The following HMOX2 variants were observed in gnomAD, a reference collection of about 807,000 sequenced individuals.
The protein encoded by HMOX2 is heme oxygenase (decycling) 2.
HMOX2 carries 30 observed loss-of-function variants against 33.7 expected under a neutral mutation model. The ratio of observed to expected loss-of-function variants is 0.89; its 90% CI spans 0.67 to 1.21. The LOEUF (loss-of-function observed/expected upper bound fraction) is 1.21. HMOX2 is among the 50% of genes most tolerant of loss of function. The probability of loss-of-function intolerance (pLI) is 0.00; values close to 1 mark genes in which losing one functional copy is unlikely to be tolerated. For synonymous variants in HMOX2, 155 were observed against 155.0 expected (o/e 1.00, Z 0.00); for missense variants, 403 against 399.1 (o/e 1.01, Z -0.08).
At chr16:4,499,638 G>A (rs977999397) in intron 1 of HMOX2, among the ~76,000 whole-genome samples, 5 of 152,130 alleles carry the variant, frequency 3.3e-5, no homozygotes, top group African/African-American at 9.7e-5. Flanking sequence ...TAATAGTATT[G>A]TATACTTCAA....
At chr16:4,487,898 G>A (rs544608643) in intron 1 of HMOX2, among the ~76,000 whole-genome samples, 1 of 150,456 alleles carries the variant, frequency 6.6e-6, no homozygotes, top group South Asian at 2.1e-4. Context: ...TTGCGGCGAG[G>A]GGAGATCACG....
rs773254390 is a variant in HMOX2, at chr16:4,508,212, T to G, written c.696+8T>G. On this transcript the variant is annotated splice_region_variant and intron_variant, in intron 4 of 5. Coordinates refer to ENST00000570646, the MANE Select transcript of HMOX2 (RefSeq NM_002134.4). ...TTTGAGTATAACATGCAGGTACTAT[T>G]GGGGGCTGCCAGCTGCTAGGGCTGA... The G allele has an allele frequency of 1.9e-6, 3 of 1,591,480 alleles. No homozygotes were observed. The highest frequency in any genetic ancestry group is 2.6e-6 in the Non-Finnish European group (3 of 1,168,328).
Position 4,509,741 on chromosome 16 carries a change from C to T in HMOX2, c.936C>T (p.Ala312=), listed in dbSNP as rs766345044. ...AGVALAAGLL[A]WYYM ...TGGCCCTAGCTGCTGGACTCTTGGC[C>T]TGGTACTACATGTGAAGCACCCATC... is the stretch of plus-strand genomic sequence containing the variant. Residue 312 remains alanine, a synonymous_variant, in exon 6 of 6, where the codon GCC becomes GCT. Transcript: ENST00000570646. 55 of 1,613,174 alleles carry T rather than the reference C, an allele frequency of 3.4e-5. No homozygotes were observed. The Admixed American group carries it at 7.2e-4, about 21-fold the overall frequency.
intron 1 of HMOX2, among the ~76,000 whole-genome samples, chr16:4,498,119 C>T (rs554664355): frequency 2.1e-5 from 3 of 139,558 alleles, no homozygotes; most frequent in South Asian, 2.3e-4. Flanking sequence ...CAGGCTGGAG[C>T]GCAGTGGCAC....
At chr16:4,480,005 C>G (rs1439952304) in intron 1 of HMOX2, among the ~76,000 whole-genome samples, 1 of 151,558 alleles carries the variant, frequency 6.6e-6, no homozygotes, top group Non-Finnish European at 1.5e-5. Context: ...TCCCAAAGTG[C>G]TGGGGTTATA....
At position 4,508,184 on chromosome 16, in the gene HMOX2, G is replaced by A. The variant is rs1307403235; in HGVS notation, c.676G>A (p.Ala226Thr). The A allele has an allele frequency of 6.2e-6, 10 of 1,610,554 alleles. No homozygotes were observed. The highest frequency in any genetic ancestry group is 8.5e-6 in the Non-Finnish European group (10 of 1,178,224). The change falls in exon 4 of 6, where the codon GCT becomes ACT. Residue 226 changes from alanine (A) to threonine (T), a missense_variant. By Grantham distance (58) the Ala-to-Thr change is moderately conservative (BLOSUM62 0). Transcript: ENST00000570646. ...KERIVEEANK[A>T]FEYNMQIFNE... ...GAGGATCGTGGAGGAGGCCAACAAG[G>A]CTTTTGAGTATAACATGCAGGTACT...
Position 4,505,602 on chromosome 16 carries a change from C to T in HMOX2, c.78C>T (p.Asn26=), listed in dbSNP as rs1323664037. 3 of 1,594,142 alleles carry T rather than the reference C, an allele frequency of 1.9e-6. No individual in the cohort carries two copies. Among genetic ancestry groups the T allele is most frequent in the Admixed American group, 1.7e-5 (1 of 57,654 alleles). The change falls in exon 2 of 6, where the codon AAC becomes AAT. Residue 26 remains asparagine, a synonymous_variant. Coordinates refer to ENST00000570646, the MANE Select transcript of HMOX2 (RefSeq NM_002134.4). ...ACTCTGGGGCCCTAGAAAAGGAGAA[C>T]CAAATGAGGTGAGCGATGGGGGCTG... ...KKNSGALEKE[N]QMRMADLSEL... is the part of the protein sequence containing the mutation.
At chr16:4,491,392 G>A (rs2058301835) in intron 1 of HMOX2, among the ~76,000 whole-genome samples, 1 of 152,124 alleles carries the variant, frequency 6.6e-6, no homozygotes, top group African/African-American at 2.4e-5. Context: ...GCCCACTCCT[G>A]TAATCCTGGC....
At chr16:4,502,226 C>G (rs2058577223) in intron 1 of HMOX2, among the ~76,000 whole-genome samples, 1 of 152,084 alleles carries the variant, frequency 6.6e-6, no homozygotes, top group South Asian at 2.1e-4. Context: ...TGCCTGGCTC[C>G]TTTTTGTATT....
At position 4,510,052 on chromosome 16, in the gene HMOX2, G is replaced by A. The variant is rs531160401; in HGVS notation, c.*296G>A. The A allele has an allele frequency of 6.8e-5, 30 of 438,960 alleles. No homozygotes were observed. Among genetic ancestry groups the A allele is most frequent in the Non-Finnish European group, 1.2e-4 (29 of 241,816 alleles). The allele number at this position is 438,960 out of a possible 1,614,324, so 27.2% of individuals were successfully genotyped here. A position where few individuals can be genotyped will look rare whatever the true frequency, so the allele number is the denominator to read the frequency against. On this transcript the variant is annotated 3_prime_UTR_variant, in exon 6 of 6. Transcript: ENST00000570646. Reference sequence around the variant, plus strand: ...CACTTCTGGGCCCTAGGCTGCTTCCGGTAGTCCCTGTTTTTGCAGTACATG... The same window carrying A: ...CACTTCTGGGCCCTAGGCTGCTTCCAGTAGTCCCTGTTTTTGCAGTACATG...
intron 1 of HMOX2, among the ~76,000 whole-genome samples, chr16:4,496,956 C>T (rs1216551626): frequency 1.3e-5 from 2 of 152,036 alleles, no homozygotes. Context: ...CTCGGCCTCC[C>T]AAAGTACAGA....
At chr16:4,478,634 G>A (rs919490995) in intron 1 of HMOX2, among the ~76,000 whole-genome samples, 9 of 151,832 alleles carry the variant, frequency 5.9e-5, no homozygotes, top group African/African-American at 1.7e-4. Context: ...GCATGGTGGT[G>A]TGTGCCTGTA....
chr16:4,505,284 C>T (rs895169186), intron 1 of HMOX2, among the ~76,000 whole-genome samples, 200 bp from the exon 2 acceptor site: 3 of 152,196 alleles, frequency 2.0e-5, no homozygotes, highest in African/African-American at 7.2e-5. Context: ...ATGCTATTAC[C>T]TAATACATTG....
chr16:4,489,448 C>G (rs2058254959), intron 1 of HMOX2, among the ~76,000 whole-genome samples: 1 of 152,092 alleles, frequency 6.6e-6, no homozygotes, highest in Admixed American at 6.6e-5. Context: ...CCACATCCAG[C>G]TAGTTTTATT....
At chr16:4,498,706 T>G (rs1436890923) in intron 1 of HMOX2, among the ~76,000 whole-genome samples, 1 of 152,194 alleles carries the variant, frequency 6.6e-6, no homozygotes. Flanking sequence ...AGGTTAATAT[T>G]TATTCTTCCG....
chr16:4,475,616 A>C (rs1026035203), upstream of HMOX2, among the ~76,000 whole-genome samples: 1 of 151,344 alleles, frequency 6.6e-6, no homozygotes, highest in African/African-American at 2.4e-5. Context: ...CCGGCCCACG[A>C]TTTCAGTAAT....
At chr16:4,494,754 C>T (rs1440658122) in intron 1 of HMOX2, among the ~76,000 whole-genome samples, 2 of 152,004 alleles carry the variant, frequency 1.3e-5, no homozygotes, top group Non-Finnish European at 2.9e-5. Flanking sequence ...TGGCGTGTGC[C>T]TGTAGTCCCA....
At position 4,505,532 on chromosome 16, in the gene HMOX2, CG is replaced by C; in HGVS notation, c.10del (p.Glu4LysfsTer8). ...GAACCACACCCAGCAGCAATGTCAGCGGAAGTGGAAACCTCAGAGGGGGTAG... is the reference window on the plus strand; with the variant it reads ...GAACCACACCCAGCAGCAATGTCAGCGAAGTGGAAACCTCAGAGGGGGTAG... Reference protein sequence around the residue: MSAEVETSEGVDE... With the variant: MSXEVETSEGVDE... On this transcript the variant is annotated frameshift_variant, in exon 2 of 6. Transcript: ENST00000570646. LOFTEE classifies it high-confidence loss of function. 1 of 1,605,048 alleles carries C rather than the reference CG, an allele frequency of 6.2e-7. No individual in the cohort carries two copies. Among genetic ancestry groups the C allele is most frequent in the African/African-American group, 1.3e-5 (1 of 74,682 alleles).
intron 1 of HMOX2, among the ~76,000 whole-genome samples, chr16:4,493,539 A>C (rs1309165593): frequency 2.0e-5 from 3 of 152,182 alleles, no homozygotes; most frequent in Non-Finnish European, 4.4e-5. Flanking sequence ...AGTCCACCCA[A>C]CTGGGATGGG....
Sources: gnomAD v4.1 joint callset for allele counts (sites outside exome capture counted in the v4.1 genomes callset) on GRCh38, gnomAD v4.1.1 for gene constraint, MANE v1.5 for transcripts, NCBI Gene and HGNC (gene_info 2026-07-23, HGNC 2026-07-21) for gene names.